The following FAM76B variants were observed in gnomAD, a reference collection of about 807,000 sequenced individuals.
The protein encoded by FAM76B is family with sequence similarity 76 member B, also known as protein FAM76B.
In FAM76B, 16 loss-of-function variants were observed where a neutral mutation model predicts 51.8. The ratio of observed to expected loss-of-function variants is 0.31; its 90% CI spans 0.21 to 0.47. The LOEUF is 0.47. FAM76B is among the 20% of genes least tolerant of loss of function. FAM76B has a pLI of 1.00. For synonymous variants in FAM76B, 166 were observed against 129.5 expected, an observed-to-expected ratio of 1.28 and a Z score of -1.91; for missense variants, 342 against 392.6, an observed-to-expected ratio of 0.87 and a Z score of 1.09.
intron 5 of FAM76B, 63 bp from the exon 6 acceptor site, chr11:95,779,989 C>A: frequency 7.0e-7 from 1 of 1,423,112 alleles, no homozygotes; most frequent in South Asian, 1.3e-5. Context: ...CTAAATTTAA[C>A]ATTCTTTCTC....
intron 7 of FAM76B, chr11:95,779,273 A>G (rs1860147016): frequency 1.5e-6 from 1 of 674,004 alleles, no homozygotes; most frequent in Non-Finnish European, 2.4e-6. Flanking sequence ...TAATATTTTT[A>G]ATCTAAAAAC....
In FAM76B at chr11:95,789,562, C is replaced by A; in HGVS notation, c.-84G>T. The A allele has an allele frequency of 7.8e-7, 1 of 1,285,350 alleles. No individual in the cohort carries two copies. Among genetic ancestry groups the A allele is most frequent in the Non-Finnish European group, 1.1e-6 (1 of 932,542 alleles). 79.6% of individuals were successfully genotyped at this position (1,285,350 alleles called of 1,614,324 possible). A position where few individuals can be genotyped will look rare whatever the true frequency, so the allele number is the denominator to read the frequency against. ...ACCCGAGAGCCGCCGCCGCCCGGGC[C>A]GCGGGCTCCTCCTCCTCCCCCTCCC... On this transcript the variant is annotated 5_prime_UTR_variant, in exon 1 of 10. Transcript: ENST00000358780.
At chr11:95,785,871 T>C (rs1457383012) in intron 4 of FAM76B, among the ~76,000 whole-genome samples, 2 of 152,338 alleles carry the variant, frequency 1.3e-5, no homozygotes, top group African/African-American at 4.8e-5. Context: ...TTAAATCTCC[T>C]GAACCAAATG....
intron 5 of FAM76B, among the ~76,000 whole-genome samples, chr11:95,780,915 G>A (rs1355908712): frequency 2.0e-5 from 3 of 151,720 alleles, no homozygotes; most frequent in African/African-American, 4.8e-5. Flanking sequence ...ATTTACTATT[G>A]GTTCAGCTGT....
intron 9 of FAM76B, 36 bp from the exon 10 acceptor site, chr11:95,771,686 T>C (rs575443253): frequency 2.6e-5 from 40 of 1,515,406 alleles, no homozygotes; most frequent in Middle Eastern, 1.7e-4. Flanking sequence ...TTAAAAATGT[T>C]TGAAATATTA....
intron 3 of FAM76B, among the ~76,000 whole-genome samples, chr11:95,786,996 GCTGTT>G (rs1410158679): frequency 6.6e-6 from 1 of 152,106 alleles, no homozygotes; most frequent in African/African-American, 2.4e-5. Flanking sequence ...TTCTGAGGAG[GCTGTT>G]CTGAAGTGGG....
intron 5 of FAM76B, among the ~76,000 whole-genome samples, chr11:95,782,694 A>G (rs1460043115): frequency 2.0e-5 from 3 of 152,220 alleles, no homozygotes; most frequent in African/African-American, 7.2e-5. Flanking sequence ...TTTTACTAAA[A>G]CAAATTGACA....
At chr11:95,773,523 T>C (rs1433705377) in intron 9 of FAM76B, among the ~76,000 whole-genome samples, 2 of 150,102 alleles carry the variant, frequency 1.3e-5, no homozygotes, top group Non-Finnish European at 3.0e-5. Context: ...TTTTAAAGTT[T>C]AGACATGTTG....
At chr11:95,787,939 A>C (rs1860692604) in intron 2 of FAM76B, among the ~76,000 whole-genome samples, 1 of 152,204 alleles carries the variant, frequency 6.6e-6, no homozygotes. Context: ...AAATCTTCAC[A>C]CTTGACACTA....
intron 4 of FAM76B, among the ~76,000 whole-genome samples, chr11:95,785,654 G>A (rs1388580659): frequency 2.6e-5 from 4 of 152,172 alleles, no homozygotes; most frequent in African/African-American, 9.7e-5. Context: ...ATCGGCAAAG[G>A]AATTATCACA....
chr11:95,789,062 G>C (rs1193126611), intron 1 of FAM76B: 8 of 1,390,572 alleles, frequency 5.8e-6, no homozygotes, highest in African/African-American at 1.5e-5. Flanking sequence ...GCAGAAAACC[G>C]AGATGAAAAC....
At chr11:95,776,098 A>G (rs1194475443) in intron 8 of FAM76B, 75 bp from the exon 9 acceptor site, 5 of 757,044 alleles carry the variant, frequency 6.6e-6, no homozygotes, top group Non-Finnish European at 9.7e-6. Context: ...TAACTTTCAC[A>G]ATAAACTCAC....
intron 9 of FAM76B, among the ~76,000 whole-genome samples, chr11:95,773,280 G>A (rs905803610): frequency 2.7e-5 from 4 of 150,458 alleles, no homozygotes; most frequent in African/African-American, 9.7e-5. Context: ...CACTAATAAA[G>A]ATATTTCTTA....
chr11:95,771,758 T>A, intron 9 of FAM76B, 108 bp from the exon 10 acceptor site: 1 of 810,462 alleles, frequency 1.2e-6, no homozygotes, highest in Non-Finnish European at 1.9e-6. Context: ...AATGTTTCAC[T>A]AAAGCACTAA....
At chr11:95,785,702 A>G (rs528880012) in intron 4 of FAM76B, among the ~76,000 whole-genome samples, 1 of 152,366 alleles carries the variant, frequency 6.6e-6, no homozygotes, top group African/African-American at 2.4e-5. Context: ...CACTGCAGGT[A>G]GACAAAAACA....
chr11:95,786,785 CATA>C (rs1860613715), intron 3 of FAM76B: 1 of 152,334 alleles, frequency 6.6e-6, no homozygotes, highest in African/African-American at 2.4e-5. Flanking sequence ...ACTATAAAAA[CATA>C]CCTTGATTTT....
At chr11:95,780,656 A>G (rs942705880) in intron 5 of FAM76B, among the ~76,000 whole-genome samples, 1 of 151,842 alleles carries the variant, frequency 6.6e-6, no homozygotes, top group Non-Finnish European at 1.5e-5. Flanking sequence ...TAGCTTATTC[A>G]CTCAGCATGT....
At chr11:95,771,786 G>C (rs1271259709) in intron 9 of FAM76B, 136 bp from the exon 10 acceptor site, 1 of 643,200 alleles carries the variant, frequency 1.6e-6, no homozygotes, top group Non-Finnish European at 2.5e-6. Context: ...TGAAAGAGTT[G>C]ATACCTTTAC....
At chr11:95,788,169 C>A (rs923585707) in intron 2 of FAM76B, among the ~76,000 whole-genome samples, 8 of 152,218 alleles carry the variant, frequency 5.3e-5, no homozygotes, top group African/African-American at 1.7e-4. Flanking sequence ...GTTGGTAACA[C>A]TACAGACCTT....
Sources: gnomAD v4.1 joint callset for allele counts (sites outside exome capture counted in the v4.1 genomes callset) on GRCh38, gnomAD v4.1.1 for gene constraint, MANE v1.5 for transcripts, NCBI Gene and HGNC (gene_info 2026-07-23, HGNC 2026-07-21) for gene names.